TDP1: variants seen among roughly 807,000 people sequenced by gnomAD.
TDP1 encodes the protein tyr-DNA phosphodiesterase 1.
TDP1 carries 64 observed loss-of-function variants against 81.5 expected under a neutral mutation model. That is an observed-to-expected ratio of 0.79 (90% CI 0.64 to 0.97). The LOEUF (loss-of-function observed/expected upper bound fraction) is 0.97, where lower values mean the gene tolerates loss of function less well. Ranked by LOEUF, TDP1 falls within the 50% of genes least tolerant of loss-of-function variation. The probability of loss-of-function intolerance (pLI) is 0.00; values close to 1 mark genes in which losing one functional copy is unlikely to be tolerated. For synonymous variants in TDP1, 256 were observed against 264.3 expected (o/e 0.97, Z 0.30); for missense variants, 723 against 743.8 (o/e 0.97, Z 0.33).
Position 89,966,185 on chromosome 14 carries a change from G to T in TDP1, c.598G>T (p.Ala200Ser). 6.2e-7 allele frequency: 1 copy of T among 1,600,744 alleles called. No homozygotes were observed. The highest frequency in any genetic ancestry group is 8.6e-7 in the Non-Finnish European group (1 of 1,168,094). ...SPLFGTLVSS[A>S]QFNYCFDVDW... The stretch of plus-strand genomic sequence containing the variant: ...TTTATTTGGGACGCTTGTTTCTTCA[G>T]CTCAGGTGAGTATACCTTTAAGCTG... The change falls in exon 4 of 17, where the codon GCT becomes TCT. Residue 200 changes from alanine to serine, a missense_variant. Coordinates refer to ENST00000335725, the MANE Select transcript of TDP1 (RefSeq NM_018319.4).
At chr14:90,008,533 C>T (rs1191552086) in intron 14 of TDP1, among the ~76,000 whole-genome samples, 1 of 152,162 alleles carries the variant, frequency 6.6e-6, no homozygotes, top group South Asian at 2.1e-4. Context: ...ATTTTCTCAT[C>T]TGTTAAGTAA....
intron 14 of TDP1, among the ~76,000 whole-genome samples, chr14:89,998,926 C>T (rs1017919616): frequency 2.0e-5 from 3 of 151,874 alleles, no homozygotes; most frequent in Non-Finnish European, 2.9e-5. Context: ...CCTTATTAGT[C>T]GTTGGTCTAT....
At chr14:90,029,220 C>CA (rs1352228755) in intron 15 of TDP1, among the ~76,000 whole-genome samples, 2 of 127,168 alleles carry the variant, frequency 1.6e-5, no homozygotes, top group African/African-American at 6.5e-5. Flanking sequence ...TTTTTTGAGA[C>CA]AGAGTCTCGC....
At chr14:90,042,623 C>T (rs967440173) in intron 16 of TDP1, among the ~76,000 whole-genome samples, 12 of 152,016 alleles carry the variant, frequency 7.9e-5, no homozygotes, top group Admixed American at 3.3e-4. Context: ...TGGTGGAAGG[C>T]GAAGGGGAAG....
rs893806063 is a variant in TDP1 at position 89,975,885 on chromosome 14, G to C, written c.791+70G>C. 2.0e-5 allele frequency: 26 copies of C among 1,304,912 alleles called. No individual in the cohort carries two copies. In the East Asian group the frequency reaches 5.8e-4, roughly 29 times the overall value. The allele number at this position is 1,304,912 out of a possible 1,614,324, so 80.8% of individuals were successfully genotyped here. On this transcript the variant is annotated intron_variant, in intron 7 of 16. Transcript: ENST00000335725. ...TTTGTCCATTACACGGTTATTCTTA[G>C]GAGAGACTGAGCATGGTAGGCCCAC...
intron 6 of TDP1, 46 bp downstream of exon 6, chr14:89,971,317 A>G (rs753581869): frequency 1.5e-5 from 22 of 1,427,852 alleles, no homozygotes; most frequent in Non-Finnish European, 1.8e-5. Context: ...TCTGAGTTAG[A>G]AGGAAACTTA....
At chr14:89,971,070 A>C (rs1893576679) in intron 5 of TDP1, 105 bp from the exon 6 acceptor site, 1 of 906,302 alleles carries the variant, frequency 1.1e-6, no homozygotes, top group South Asian at 1.3e-5. Flanking sequence ...TCCTGACCTC[A>C]GGTAGTCCAC....
intron 14 of TDP1, among the ~76,000 whole-genome samples, chr14:89,995,393 C>A (rs1596585678): frequency 1.9e-5 from 2 of 105,102 alleles, no homozygotes; most frequent in African/African-American, 1.5e-4. Flanking sequence ...CTGTCTGATG[C>A]CCCCTCTTAA....
At chr14:90,027,692 CAG>C (rs1341427284) in intron 15 of TDP1, among the ~76,000 whole-genome samples, 1 of 152,134 alleles carries the variant, frequency 6.6e-6, no homozygotes, top group Non-Finnish European at 1.5e-5. Flanking sequence ...TGAAGTGAGA[CAG>C]AGAGGAGCTA....
At chr14:90,033,898 TA>T (rs901380889) in intron 16 of TDP1, among the ~76,000 whole-genome samples, 16 of 151,592 alleles carry the variant, frequency 1.1e-4, no homozygotes, top group African/African-American at 3.4e-4. Context: ...AACCAGTATG[TA>T]AAAAAAAATT....
chr14:89,993,116 T>C lies in TDP1; in HGVS notation c.1434-260T>C, dbSNP rs748822012. On this transcript the variant is annotated intron_variant, in intron 13 of 16. Transcript: ENST00000335725. ...GCACAACAGAAATAATATGTATGCA[T>C]GTATGTATGTTCATGGCAAAAATGG... is the stretch of plus-strand genomic sequence containing the variant. The C allele has an allele frequency of 1.1e-3, 1,094 of 974,158 alleles. 1 individual carries two copies. Among genetic ancestry groups the C allele is most frequent in the Non-Finnish European group, 1.2e-3 (1,014 of 819,740 alleles). The allele number at this position is 974,158 out of a possible 1,614,324, so 60.3% of individuals were successfully genotyped here. A position where few individuals can be genotyped will look rare whatever the true frequency, so the allele number is the denominator to read the frequency against.
At chr14:89,993,268 C>A in intron 13 of TDP1, 108 bp from the exon 14 acceptor site, 1 of 1,270,024 alleles carries the variant, frequency 7.9e-7, no homozygotes, top group Non-Finnish European at 1.1e-6. Flanking sequence ...CGTGTAGCCA[C>A]TGTTGATTTT....
chr14:89,989,836 A>G, intron 12 of TDP1, 71 bp downstream of exon 12: 1 of 1,221,980 alleles, frequency 8.2e-7, no homozygotes, highest in South Asian at 1.2e-5. Context: ...AAGTTTTACT[A>G]CTATTGCGTA....
chr14:90,031,489 T>A (rs1349950617), intron 15 of TDP1, among the ~76,000 whole-genome samples: 1 of 151,838 alleles, frequency 6.6e-6, no homozygotes, highest in Non-Finnish European at 1.5e-5. Context: ...AATCCCTGTC[T>A]CTACTAAAAA....
intron 12 of TDP1, chr14:89,991,426 G>A (rs958743820): frequency 3.0e-6 from 1 of 332,860 alleles, no homozygotes; most frequent in Non-Finnish European, 4.3e-6. Context: ...TTTACTTGGT[G>A]CGTTCTCGTC....
intron 14 of TDP1, among the ~76,000 whole-genome samples, chr14:90,017,160 G>A (rs1019976922): frequency 9.2e-5 from 14 of 151,946 alleles, no homozygotes; most frequent in South Asian, 4.2e-4. Context: ...CTGTGGTGTC[G>A]CTGTGCCTCA....
At position 90,040,072 on chromosome 14, in the gene TDP1, T is replaced by C. The variant is rs35118293; in HGVS notation, c.1754-2998T>C. Among the ~76,000 whole-genome samples, 6 of 152,284 alleles carry C rather than the reference T, an allele frequency of 3.9e-5. 1 individual carries two copies. The East Asian group carries it at 7.7e-4, about 20-fold the overall frequency. On this transcript the variant is annotated intron_variant, in intron 16 of 16. Transcript: ENST00000335725. The stretch of plus-strand genomic sequence containing the variant: ...AGGGAGAGATGGGACAGAGACTCTG[T>C]ATATAAAGAGATCAAAACCACATGG...
chr14:89,960,351 AAATC>A, intron 2 of TDP1, among the ~76,000 whole-genome samples: 1 of 152,304 alleles, frequency 6.6e-6, no homozygotes, highest in South Asian at 2.1e-4. Context: ...GTTGAGTAGT[AAATC>A]AATCTGAATC....
At chr14:89,966,240 A>G (rs1253261082) in intron 4 of TDP1, 50 bp downstream of exon 4, 2 of 1,177,064 alleles carry the variant, frequency 1.7e-6, no homozygotes, top group East Asian at 2.3e-5. Flanking sequence ...TAGACAGGTA[A>G]TTAAACAACT....
Sources: gnomAD v4.1 joint callset for allele counts (sites outside exome capture counted in the v4.1 genomes callset) on GRCh38, gnomAD v4.1.1 for gene constraint, MANE v1.5 for transcripts, NCBI Gene and HGNC (gene_info 2026-07-23, HGNC 2026-07-21) for gene names.